Variants in SCLT1 observed in about 807,000 individuals in gnomAD.
SCLT1 encodes the protein sodium channel and clathrin linker 1.
In SCLT1, 78 loss-of-function variants were observed where a neutral mutation model predicts 112.8. The observed-to-expected ratio is 0.69, with a 90% CI of 0.58 to 0.83. SCLT1 has a LOEUF of 0.83. Ranked by LOEUF, SCLT1 falls within the 40% of genes least tolerant of loss-of-function variation. The probability of loss-of-function intolerance (pLI) is 0.00; values close to 1 mark genes in which losing one functional copy is unlikely to be tolerated. For missense variants in SCLT1, 747 were observed against 770.4 expected, an observed-to-expected ratio of 0.97 and a Z score of 0.36; for synonymous variants, 257 against 254.7, an observed-to-expected ratio of 1.01 and a Z score of -0.09.
At chr4:128,931,801 C>T (rs762390130) in intron 18 of SCLT1, among the ~76,000 whole-genome samples, 5 of 152,146 alleles carry the variant, frequency 3.3e-5, no homozygotes, top group Non-Finnish European at 7.4e-5. Flanking sequence ...ATTCCATTTA[C>T]GATTAATTTT....
intron 18 of SCLT1, among the ~76,000 whole-genome samples, chr4:128,921,291 G>A (rs1183041758): frequency 6.6e-6 from 1 of 151,970 alleles, no homozygotes; most frequent in African/African-American, 2.4e-5. Context: ...CACAGAATTA[G>A]ACCAAAAAAA....
intron 10 of SCLT1, among the ~76,000 whole-genome samples, chr4:128,966,463 T>C (rs1274678843): frequency 6.6e-6 from 1 of 152,206 alleles, no homozygotes; most frequent in Non-Finnish European, 1.5e-5. Flanking sequence ...CTGAGTGCCA[T>C]TGTTGTCATA....
At chr4:129,055,747 T>C (rs993554807) in intron 2 of SCLT1, among the ~76,000 whole-genome samples, 2 of 151,780 alleles carry the variant, frequency 1.3e-5, no homozygotes, top group South Asian at 2.1e-4. Context: ...ACCACTTGGC[T>C]CTCTGGCTTC....
intron 5 of SCLT1, chr4:128,873,272 AGAAAAAAAG>A (rs1732335283): frequency 9.4e-6 from 1 of 106,250 alleles, no homozygotes; most frequent in African/African-American, 3.1e-5. Flanking sequence ...AAAAAAAAAA[AGAAAAAAAG>A]AAAAAAAAAA....
chr4:129,013,399 A>G (rs1255367116), intron 5 of SCLT1, among the ~76,000 whole-genome samples: 2 of 152,190 alleles, frequency 1.3e-5, no homozygotes, highest in Non-Finnish European at 2.9e-5. Context: ...GTTGCTTTAC[A>G]GTGTCACTGG....
chr4:129,052,396 G>A (rs1487021199), intron 2 of SCLT1, among the ~76,000 whole-genome samples: 1 of 151,996 alleles, frequency 6.6e-6, no homozygotes, highest in African/African-American at 2.4e-5. Flanking sequence ...CTGCCTCAAT[G>A]TCAGAATTTG....
chr4:128,974,039 C>G (rs1042491486), intron 9 of SCLT1, among the ~76,000 whole-genome samples: 1 of 152,082 alleles, frequency 6.6e-6, no homozygotes, highest in East Asian at 1.9e-4. Flanking sequence ...GTCTTAGTAT[C>G]TATAAAATGG....
At chr4:129,071,874 T>C (rs570636449) in intron 2 of SCLT1, among the ~76,000 whole-genome samples, 1 of 152,320 alleles carries the variant, frequency 6.6e-6, no homozygotes, top group South Asian at 2.1e-4. Context: ...TTTTTTTGTT[T>C]TTGCTTTTTT....
intron 5 of SCLT1, among the ~76,000 whole-genome samples, chr4:129,034,135 A>G (rs1445175731): frequency 2.0e-5 from 3 of 152,156 alleles, no homozygotes; most frequent in Non-Finnish European, 4.4e-5. Flanking sequence ...TGAAGGGAGG[A>G]GAATAACATT....
At chr4:128,897,081 C>T (rs1025294408) in intron 18 of SCLT1, among the ~76,000 whole-genome samples, 2 of 152,138 alleles carry the variant, frequency 1.3e-5, no homozygotes, top group South Asian at 4.1e-4. Context: ...AGAATGGAAC[C>T]AAGTTGGAAA....
chr4:129,059,004 C>T (rs1749708657), intron 2 of SCLT1, among the ~76,000 whole-genome samples: 1 of 152,094 alleles, frequency 6.6e-6, no homozygotes, highest in Non-Finnish European at 1.5e-5. Flanking sequence ...TTGAATTCAT[C>T]ATGATATAAT....
At chr4:129,054,993 G>T (rs1169961441) in intron 2 of SCLT1, among the ~76,000 whole-genome samples, 5 of 152,250 alleles carry the variant, frequency 3.3e-5, no homozygotes, top group Admixed American at 2.6e-4. Flanking sequence ...CCGTTTTTTA[G>T]CTTTTCTTCT....
intron 5 of SCLT1, chr4:128,873,262 A>G (rs1732328630): frequency 6.7e-6 from 1 of 149,696 alleles, no homozygotes; most frequent in East Asian, 1.9e-4. Context: ...AAAGGAAAAA[A>G]AAAAAAAAAA....
chr4:128,940,656 T>C (rs1267021963), intron 17 of SCLT1, among the ~76,000 whole-genome samples: 3 of 152,122 alleles, frequency 2.0e-5, no homozygotes, highest in South Asian at 2.1e-4. Flanking sequence ...TTATACACTA[T>C]AGTAACAATT....
In SCLT1 at chr4:129,003,423, AAAGTAT is replaced by A. The variant is rs566159599; in HGVS notation, c.426+312_426+317del. Among the ~76,000 whole-genome samples, 64 of 151,208 alleles carry A rather than the reference AAAGTAT, an allele frequency of 4.2e-4. 3 individuals carry two copies. The South Asian group carries it at 0.013, about 30-fold the overall frequency. On this transcript the variant is annotated intron_variant, in intron 6 of 20. Coordinates refer to ENST00000281142, the MANE Select transcript of SCLT1 (RefSeq NM_144643.4). ...GTTCTGCACATGTATCCTAGAACTTAAAGTATAATTAAAAAAAAAAAAAAGAAAAAG... is the reference window on the plus strand; with the variant it reads ...GTTCTGCACATGTATCCTAGAACTTAAATTAAAAAAAAAAAAAAGAAAAAG...
intron 14 of SCLT1, among the ~76,000 whole-genome samples, chr4:128,951,041 T>C (rs35094990): frequency 0.11 from 16,485 of 152,140 alleles, 961 homozygotes; most frequent in South Asian, 0.15. Flanking sequence ...TTCTCCTTCC[T>C]GTGAGCATAC....
At chr4:128,950,057 T>C (rs1448406742) in intron 14 of SCLT1, among the ~76,000 whole-genome samples, 1 of 152,144 alleles carries the variant, frequency 6.6e-6, no homozygotes, top group Non-Finnish European at 1.5e-5. Flanking sequence ...AGTTGACAAA[T>C]TTAAATTTAA....
intron 8 of SCLT1, among the ~76,000 whole-genome samples, chr4:128,993,627 T>C (rs1432611487): frequency 1.3e-5 from 2 of 152,086 alleles, no homozygotes; most frequent in African/African-American, 2.4e-5. Context: ...TTATGTACTA[T>C]ATTAATATTT....
intron 18 of SCLT1, among the ~76,000 whole-genome samples, chr4:128,908,090 T>G (rs318533): frequency 6.6e-6 from 1 of 151,906 alleles, no homozygotes; most frequent in East Asian, 1.9e-4. Context: ...ATTCCTTCAA[T>G]GCATGAAATG....
Sources: allele counts gnomAD v4.1 joint callset (sites outside exome capture counted in the v4.1 genomes callset), GRCh38; gene constraint gnomAD v4.1.1; transcripts MANE v1.5; gene names NCBI Gene and HGNC (gene_info 2026-07-23, HGNC 2026-07-21).